Variants in CHODL observed in about 807,000 individuals in gnomAD.
CHODL encodes the protein transmembrane protein MT75.
CHODL carries 29 observed loss-of-function variants against 34.5 expected under a neutral mutation model. That is an observed-to-expected ratio of 0.84 (90% CI 0.63 to 1.15). The LOEUF is 1.15. CHODL is among the 50% of genes most tolerant of loss of function. CHODL has a pLI of 0.00. For missense variants in CHODL, 332 were observed against 332.5 expected (o/e 1.00, Z 0.01); for synonymous variants, 125 against 116.1 (o/e 1.08, Z -0.49).
At chr21:18,111,034 A>T (rs1321318207) in intron 2 of CHODL, among the ~76,000 whole-genome samples, 1 of 152,172 alleles carries the variant, frequency 6.6e-6, no homozygotes, top group East Asian at 1.9e-4. Flanking sequence ...GACAGCTTCC[A>T]CACTAGGGGA....
intron 2 of CHODL, among the ~76,000 whole-genome samples, chr21:18,173,423 G>A (rs937106654): frequency 5.9e-5 from 9 of 151,978 alleles, no homozygotes; most frequent in African/African-American, 2.2e-4. Context: ...TTTGTTAATC[G>A]GTTCAGTCAT....
intron 1 of CHODL, among the ~76,000 whole-genome samples, chr21:17,963,712 G>C (rs147714742): frequency 1.1e-3 from 174 of 152,006 alleles, no homozygotes; most frequent in African/African-American, 4.0e-3. Context: ...TCATTTTTCT[G>C]ACAAGAAAAC....
chr21:17,952,194 C>CAAAAAAAAA (rs58511535), intron 1 of CHODL, among the ~76,000 whole-genome samples: 10 of 80,370 alleles, frequency 1.2e-4, no homozygotes, highest in African/African-American at 2.6e-4. Context: ...TACTATGTCT[C>CAAAAAAAAA]AAAAAAAAAA....
intron 1 of CHODL, among the ~76,000 whole-genome samples, chr21:17,969,892 T>C (rs1254648035): frequency 6.6e-6 from 1 of 152,182 alleles, no homozygotes; most frequent in Non-Finnish European, 1.5e-5. Flanking sequence ...ATAATAATCT[T>C]ACTGAATGGG....
intron 1 of CHODL, among the ~76,000 whole-genome samples, chr21:17,951,730 A>T (rs1032660229): frequency 1.3e-5 from 2 of 152,208 alleles, no homozygotes; most frequent in Non-Finnish European, 2.9e-5. Flanking sequence ...ATTAGCTTGG[A>T]CATTGCAGAA....
intron 4 of CHODL, among the ~76,000 whole-genome samples, chr21:18,262,072 G>A (rs1460237810): frequency 1.3e-5 from 2 of 151,980 alleles, no homozygotes; most frequent in East Asian, 3.9e-4. Context: ...TGATTGAGAA[G>A]GAGTAATGAA....
chr21:18,167,704 T>C (rs929485517), intron 2 of CHODL, among the ~76,000 whole-genome samples: 21 of 152,220 alleles, frequency 1.4e-4, no homozygotes, highest in African/African-American at 4.8e-4. Context: ...TTTTCTTTTA[T>C]TTTTGTTATT....
intron 2 of CHODL, among the ~76,000 whole-genome samples, chr21:18,091,519 C>T (rs191327162): frequency 6.6e-6 from 1 of 152,246 alleles, no homozygotes; most frequent in East Asian, 1.9e-4. Context: ...TCTTTAGGTA[C>T]CAGTGCAGCC....
At position 18,266,182 on chromosome 21, in the gene CHODL, A is replaced by ATT; in HGVS notation, c.*148_*149dup. 1.3e-6 allele frequency: 2 copies of ATT among 1,548,040 alleles called. No individual in the cohort carries two copies. The highest frequency in any genetic ancestry group is 1.7e-6 in the Non-Finnish European group (2 of 1,144,874). ...CCCCCTTGAGGCAAATATTAAAGTAATTTTTATATGTCTATTATTTCATTT... is the reference window on the plus strand; with the variant it reads ...CCCCCTTGAGGCAAATATTAAAGTAATTTTTTTATATGTCTATTATTTCATTT... On this transcript the variant is annotated 3_prime_UTR_variant, in exon 6 of 6. Transcript: ENST00000299295.
At chr21:18,114,443 T>A (rs1283787961) in intron 2 of CHODL, among the ~76,000 whole-genome samples, 2 of 152,186 alleles carry the variant, frequency 1.3e-5, no homozygotes, top group Non-Finnish European at 2.9e-5. Context: ...AAAAATAATT[T>A]AAAAAACTTA....
intron 1 of CHODL, among the ~76,000 whole-genome samples, chr21:17,973,617 T>C (rs1309713521): frequency 1.3e-5 from 2 of 151,572 alleles, no homozygotes; most frequent in Non-Finnish European, 2.9e-5. Flanking sequence ...AGACGGAGTT[T>C]CACCGTGTTA....
chr21:18,212,778 A>C (rs1041675496), intron 2 of CHODL, among the ~76,000 whole-genome samples: 2 of 152,110 alleles, frequency 1.3e-5, no homozygotes, highest in African/African-American at 4.8e-5. Flanking sequence ...TTCTTCATCT[A>C]TATAAAAATT....
At chr21:18,080,953 C>T (rs2064934538) in intron 2 of CHODL, among the ~76,000 whole-genome samples, 1 of 152,086 alleles carries the variant, frequency 6.6e-6, no homozygotes. Context: ...CTACATTTAT[C>T]CTTGCAATCT....
intron 2 of CHODL, among the ~76,000 whole-genome samples, chr21:18,162,385 C>G (rs1173273018): frequency 6.6e-6 from 1 of 151,808 alleles, no homozygotes; most frequent in Non-Finnish European, 1.5e-5. Flanking sequence ...TCAGCCTGAT[C>G]TGTGCCTTCA....
At chr21:18,054,922 C>G (rs1220238024) in intron 2 of CHODL, among the ~76,000 whole-genome samples, 1 of 151,980 alleles carries the variant, frequency 6.6e-6, no homozygotes, top group Non-Finnish European at 1.5e-5. Context: ...CTCTGTTTTT[C>G]CAGCTCATTT....
At chr21:18,052,123 C>A (rs1407703354) in intron 2 of CHODL, among the ~76,000 whole-genome samples, 2 of 151,790 alleles carry the variant, frequency 1.3e-5, no homozygotes, top group Non-Finnish European at 2.9e-5. Flanking sequence ...AAAGATTTAC[C>A]AGGAGAAGTT....
intron 1 of CHODL, among the ~76,000 whole-genome samples, chr21:18,253,931 T>C (rs985980169): frequency 1.3e-5 from 2 of 152,140 alleles, no homozygotes; most frequent in African/African-American, 4.8e-5. Context: ...TACTATTTTA[T>C]GATTGGTTGT....
At chr21:18,012,286 A>G (rs1415256053) in intron 1 of CHODL, among the ~76,000 whole-genome samples, 2 of 152,168 alleles carry the variant, frequency 1.3e-5, no homozygotes, top group Admixed American at 6.6e-5. Flanking sequence ...CCTTTAATAC[A>G]TAATTGTCCT....
At chr21:18,079,675 T>C (rs187221648) in intron 2 of CHODL, among the ~76,000 whole-genome samples, 131 of 151,888 alleles carry the variant, frequency 8.6e-4, no homozygotes, top group Middle Eastern at 3.5e-3. Flanking sequence ...CTTTAGTTGA[T>C]TCTGTGACTT....
Sources: gnomAD v4.1 joint callset for allele counts (sites outside exome capture counted in the v4.1 genomes callset) on GRCh38, gnomAD v4.1.1 for gene constraint, MANE v1.5 for transcripts, NCBI Gene and HGNC (gene_info 2026-07-23, HGNC 2026-07-21) for gene names.